Variants in NUP210L observed in about 807,000 individuals in gnomAD.
NUP210L encodes the protein nuclear pore membrane glycoprotein 210-like.
Under a neutral mutation model 208.5 loss-of-function variants are expected in NUP210L, and 74 were observed. The observed-to-expected ratio is 0.35, with a 90% CI of 0.29 to 0.43. NUP210L has a LOEUF of 0.43. Among genes scored for constraint, NUP210L ranks in the 20% least tolerant of loss-of-function variants. NUP210L has a pLI of 1.00. For missense variants in NUP210L, 1,843 were observed against 2,289.4 expected (o/e 0.81, Z 3.98); for synonymous variants, 780 against 816.9 (o/e 0.95, Z 0.77).
At chr1:153,996,285 CT>C (rs764871159) in intron 37 of NUP210L, among the ~76,000 whole-genome samples, 13 of 152,164 alleles carry the variant, frequency 8.5e-5, no homozygotes, top group Admixed American at 5.9e-4. Flanking sequence ...GAGCCAGACT[CT>C]ATTTCAAACA....
chr1:154,112,129 A>G lies in NUP210L; in HGVS notation c.1620+5596T>C, dbSNP rs779108680. On this transcript the variant is annotated intron_variant, in intron 12 of 39. Coordinates refer to ENST00000368559, the Ensembl canonical transcript of NUP210L. ...TTTTTAGTAGAGAAGGGGTTTCACCATGTTGGCCAGGATGGTCTTGATCTC... is the reference window on the plus strand; with the variant it reads ...TTTTTAGTAGAGAAGGGGTTTCACCGTGTTGGCCAGGATGGTCTTGATCTC... Among the ~76,000 whole-genome samples the G allele has an allele frequency of 8.1e-4, 123 of 151,874 alleles. 1 individual carries two copies. Among genetic ancestry groups the G allele is most frequent in the Non-Finnish European group, 1.4e-3 (95 of 68,006 alleles).
chr1:154,069,494 T>C (rs1654592215), intron 17 of NUP210L, among the ~76,000 whole-genome samples: 1 of 152,198 alleles, frequency 6.6e-6, no homozygotes, highest in Non-Finnish European at 1.5e-5. Flanking sequence ...AAAGCCACAA[T>C]GAGATACCAT....
exon 1 of NUP210L, chr1:154,154,987 G>A (rs754452168): frequency 5.0e-6 from 8 of 1,613,878 alleles, no homozygotes; most frequent in South Asian, 2.2e-5. Flanking sequence ...CGGTGTAGAC[G>A]CAAGAAGAAA....
intron 10 of NUP210L, among the ~76,000 whole-genome samples, chr1:154,120,840 G>A (rs1249207316): frequency 1.4e-5 from 2 of 141,416 alleles, no homozygotes; most frequent in Non-Finnish European, 3.0e-5. Flanking sequence ...AGGTTGCAGT[G>A]AGCTGACATC....
At chr1:154,126,032 T>C (rs1339262342) in intron 10 of NUP210L, among the ~76,000 whole-genome samples, 1 of 150,790 alleles carries the variant, frequency 6.6e-6, no homozygotes, top group Non-Finnish European at 1.5e-5. Flanking sequence ...CCTCCCAAAG[T>C]GCTGGGATTA....
intron 15 of NUP210L, among the ~76,000 whole-genome samples, chr1:154,093,812 C>G (rs1225653744): frequency 6.6e-6 from 1 of 152,118 alleles, no homozygotes; most frequent in Non-Finnish European, 1.5e-5. Context: ...AAGTACAGCA[C>G]AGCTGTGAAT....
intron 27 of NUP210L, among the ~76,000 whole-genome samples, chr1:154,042,956 C>T (rs1016240618): frequency 2.7e-5 from 4 of 147,332 alleles, no homozygotes; most frequent in Non-Finnish European, 4.5e-5. Flanking sequence ...AAGTGACGCA[C>T]CCACCTTGGC....
At chr1:154,066,735 C>T (rs371106816) in intron 17 of NUP210L, among the ~76,000 whole-genome samples, 167 of 152,004 alleles carry the variant, frequency 1.1e-3, no homozygotes, top group Admixed American at 4.2e-3. Flanking sequence ...ATCAAATAGA[C>T]GCAATAAAAA....
chr1:154,058,430 G>A (rs2147993602), intron 21 of NUP210L, 135 bp downstream of exon 21: 1 of 1,130,230 alleles, frequency 8.8e-7, no homozygotes, highest in African/African-American at 1.6e-5. Flanking sequence ...TGTTCTTTAA[G>A]GGCAGGTATT....
chr1:154,131,477 T>A (rs1658249981), intron 7 of NUP210L, among the ~76,000 whole-genome samples: 1 of 152,078 alleles, frequency 6.6e-6, no homozygotes, highest in Admixed American at 6.6e-5. Flanking sequence ...ACATGCTCCA[T>A]CAACTGGCTC....
chr1:154,024,088 G>T (rs1452364138), intron 30 of NUP210L, among the ~76,000 whole-genome samples: 2 of 152,146 alleles, frequency 1.3e-5, no homozygotes, highest in Admixed American at 6.6e-5. Flanking sequence ...GCCCAGCCAG[G>T]TTTTTAATTT....
chr1:154,115,466 C>T (rs1163946915), intron 12 of NUP210L, among the ~76,000 whole-genome samples: 1 of 152,152 alleles, frequency 6.6e-6, no homozygotes, highest in African/African-American at 2.4e-5. Flanking sequence ...CTAAATTTGA[C>T]CTTTGGGCCT....
At chr1:154,019,930 A>G (rs536188674) in intron 32 of NUP210L, among the ~76,000 whole-genome samples, 1 of 152,210 alleles carries the variant, frequency 6.6e-6, no homozygotes, top group African/African-American at 2.4e-5. Flanking sequence ...CTGTCTCAAA[A>G]AAACAAACAA....
intron 33 of NUP210L, among the ~76,000 whole-genome samples, chr1:154,017,519 C>CTT (rs553512184): frequency 0.019 from 2,495 of 127,952 alleles, 110 homozygotes; most frequent in African/African-American, 0.063. Context: ...TTCTTTCTTT[C>CTT]TTTTTTTTTT....
chr1:154,037,177 T>C (rs1486661055), intron 27 of NUP210L, among the ~76,000 whole-genome samples: 1 of 152,196 alleles, frequency 6.6e-6, no homozygotes, highest in Admixed American at 6.6e-5. Context: ...TGAATAGAAG[T>C]TCTGTAAATA....
intron 2 of NUP210L, among the ~76,000 whole-genome samples, chr1:154,148,078 C>G (rs911777352): frequency 6.7e-6 from 1 of 150,016 alleles, no homozygotes; most frequent in Non-Finnish European, 1.5e-5. Flanking sequence ...GCCAACATGG[C>G]CAACATGGCG....
rs184906267 is a variant in NUP210L, at chr1:154,060,947, C to G, written c.2743G>C (p.Val915Leu). ...TAGACTCATACAGCTTCTACCTTTA[C>G]ATCAGGGTGGTTATAGATGGTGGCA... The change falls in exon 19 of 40, where the codon GTA becomes CTA. Residue 915 changes from valine to leucine, a missense_variant. Val to Leu is a conservative substitution (Grantham distance 32). This residue lies in a region of NUP210L where 408 missense variants were observed against 600.8 expected (regional missense o/e 0.68). Coordinates refer to ENST00000368559, the Ensembl canonical transcript of NUP210L. 2.5e-6 allele frequency: 4 copies of G among 1,601,384 alleles called. No individual in the cohort carries two copies. In the East Asian group the frequency reaches 8.9e-5, roughly 36 times the overall value.
intron 33 of NUP210L, among the ~76,000 whole-genome samples, chr1:154,013,612 A>C (rs541605880): frequency 7.9e-5 from 12 of 152,192 alleles, no homozygotes; most frequent in South Asian, 6.2e-4. Context: ...AAACAAAAAA[A>C]ACACACAAAA....
At position 154,124,715 on chromosome 1, in the gene NUP210L, G is replaced by A. The variant is rs545296449; in HGVS notation, c.1326+1608C>T. ...ACCTGTAATCTCAACATTTTGGGAC[G>A]CCAAGGCAGGAGGAACACTTGAGCC... On this transcript the variant is annotated intron_variant, in intron 10 of 39. Coordinates refer to ENST00000368559, the Ensembl canonical transcript of NUP210L. Among the ~76,000 whole-genome samples, 6 of 152,286 alleles carry A rather than the reference G, an allele frequency of 3.9e-5. No homozygotes were observed. The South Asian group carries it at 6.2e-4, about 16-fold the overall frequency.
Sources: allele counts gnomAD v4.1 joint callset (sites outside exome capture counted in the v4.1 genomes callset), GRCh38; gene constraint gnomAD v4.1.1; regional missense constraint gnomAD v4.1.1; transcripts MANE v1.5; gene names NCBI Gene and HGNC (gene_info 2026-07-23, HGNC 2026-07-21).